The following VPS13B variants were observed in gnomAD, a reference collection of about 807,000 sequenced individuals.
The protein encoded by VPS13B is vacuolar protein sorting 13 homolog B, also known as intermembrane lipid transfer protein VPS13B.
VPS13B carries 285 observed loss-of-function variants against 426.4 expected under a neutral mutation model. The observed-to-expected ratio is 0.67, with a 90% CI of 0.61 to 0.74. The LOEUF is 0.74. VPS13B is among the 30% of genes least tolerant of loss of function. The probability of loss-of-function intolerance (pLI) is 0.00; values close to 1 mark genes in which losing one functional copy is unlikely to be tolerated. For synonymous variants in VPS13B, 1,676 were observed against 1,676.4 expected (o/e 1.00, Z 0.01); for missense variants, 4,537 against 4,782.6 (o/e 0.95, Z 1.51).
chr8:99,631,143 C>T (rs1330109002), intron 33 of VPS13B, among the ~76,000 whole-genome samples: 1 of 152,056 alleles, frequency 6.6e-6, no homozygotes, highest in Non-Finnish European at 1.5e-5. Flanking sequence ...CCTCTCTCTC[C>T]TTTTCCCCTT....
chr8:99,626,326 A>C (rs2133902381), intron 33 of VPS13B, among the ~76,000 whole-genome samples: 2 of 152,352 alleles, frequency 1.3e-5, no homozygotes, highest in Middle Eastern at 3.4e-3. Flanking sequence ...AAAGGGAAAG[A>C]AGCTAGTCAT....
chr8:99,775,679 C>T lies in VPS13B; in HGVS notation c.7248-1096C>T, dbSNP rs1040693753. The stretch of plus-strand genomic sequence containing the variant: ...TTGGGAGGCCAAGGCGGGTGGATCA[C>T]TTGGGGTCAGGAGTTCAAGACCAGC... On this transcript the variant is annotated intron_variant, in intron 40 of 61. Coordinates refer to ENST00000357162, the MANE Select transcript of VPS13B (RefSeq NM_152564.5). Among the ~76,000 whole-genome samples, 10 of 152,300 alleles carry T rather than the reference C, an allele frequency of 6.6e-5. No homozygotes were observed. In the South Asian group the frequency reaches 1.5e-3, roughly 22 times the overall value.
chr8:99,083,756 C>T (rs527387078), intron 3 of VPS13B, among the ~76,000 whole-genome samples: 2 of 130,228 alleles, frequency 1.5e-5, no homozygotes, highest in Non-Finnish European at 3.2e-5. Flanking sequence ...TGATGGATTA[C>T]GTTTATTGAT....
chr8:99,073,875 A>G lies in VPS13B; in HGVS notation c.292-22437A>G, dbSNP rs183782208. 4.4e-4 allele frequency among the ~76,000 whole-genome samples: 67 copies of G among 151,432 alleles called. No homozygotes were observed. In the East Asian group the frequency reaches 0.013, roughly 28 times the overall value. ...AGCCTCAACCTCCCTGACTCAAGTGATCCTCCGTTCTGAGGCTCCCAAGTA... is the reference window on the plus strand; with the variant it reads ...AGCCTCAACCTCCCTGACTCAAGTGGTCCTCCGTTCTGAGGCTCCCAAGTA... On this transcript the variant is annotated intron_variant, in intron 3 of 61. Transcript: ENST00000357162.
chr8:99,046,205 C>T (rs1843234908), intron 3 of VPS13B, among the ~76,000 whole-genome samples: 1 of 152,110 alleles, frequency 6.6e-6, no homozygotes, highest in African/African-American at 2.4e-5. Context: ...TTTGTGTCAT[C>T]TATGATTTCT....
chr8:99,384,302 T>C lies in VPS13B; in HGVS notation c.2919T>C (p.Ser973=). 6.2e-7 allele frequency: 1 copy of C among 1,613,448 alleles called. No individual in the cohort carries two copies. The highest frequency in any genetic ancestry group is 8.5e-7 in the Non-Finnish European group (1 of 1,179,494). The change falls in exon 20 of 62, where the codon AGT becomes AGC. Residue 973 remains serine, a synonymous_variant. Coordinates refer to ENST00000357162, the MANE Select transcript of VPS13B (RefSeq NM_152564.5). ...TCTATCAGCCTCAGAAACGAACAAG[T>C]AGACATATGCAACAGGTAAGAGATT... is the stretch of plus-strand genomic sequence containing the variant. ...WLIYQPQKRT[S]RHMQQQPVVA...
At position 99,817,925 on chromosome 8, in the gene VPS13B, G is replaced by C. The variant is rs1158465033; in HGVS notation, c.8361+122G>C. 1.5e-5 allele frequency: 22 copies of C among 1,420,068 alleles called. No individual in the cohort carries two copies. The East Asian group carries it at 3.7e-4, about 24-fold the overall frequency. The allele number at this position is 1,420,068 out of a possible 1,614,324, so 88.0% of individuals were successfully genotyped here. On this transcript the variant is annotated intron_variant, in intron 45 of 61. Transcript: ENST00000357162. ...GACATATAAAAAAGGGGAGTGAAAG[G>C]CTTTGAATAGTACTTCTCAAACTGT...
At chr8:99,802,053 G>C (rs1411043970) in intron 43 of VPS13B, among the ~76,000 whole-genome samples, 1 of 152,030 alleles carries the variant, frequency 6.6e-6, no homozygotes, top group African/African-American at 2.4e-5. Context: ...AGAAGGCTGA[G>C]GTGGGAGGAT....
chr8:99,875,122 T>C lies in VPS13B; in HGVS notation c.11746-296T>C, dbSNP rs10955222. 0.13 allele frequency: 53,695 copies of C among 419,322 alleles called. 3,730 individuals are homozygous for C. The highest frequency in any genetic ancestry group is 0.14 in the Middle Eastern group (201 of 1,416). 26.0% of individuals were successfully genotyped at this position (419,322 alleles called of 1,614,324 possible). On this transcript the variant is annotated intron_variant, in intron 61 of 61. Transcript: ENST00000357162. Reference sequence around the variant, plus strand: ...TAAAGAACAATGACAGATGTTTTAATGGTGAGTAGAATGTTATCAAATCGT... The same window carrying C: ...TAAAGAACAATGACAGATGTTTTAACGGTGAGTAGAATGTTATCAAATCGT...
At chr8:99,762,575 G>A (rs1198888695) in intron 39 of VPS13B, among the ~76,000 whole-genome samples, 1 of 152,110 alleles carries the variant, frequency 6.6e-6, no homozygotes, top group African/African-American at 2.4e-5. Flanking sequence ...CAGATTCATA[G>A]TTTATTATTT....
intron 33 of VPS13B, among the ~76,000 whole-genome samples, chr8:99,636,169 A>G (rs1423519902): frequency 2.0e-5 from 3 of 152,010 alleles, no homozygotes; most frequent in Non-Finnish European, 4.4e-5. Flanking sequence ...TTTAAGTACC[A>G]TCTGGTTGTG....
intron 23 of VPS13B, among the ~76,000 whole-genome samples, chr8:99,451,944 CT>C (rs979970518): frequency 1.1e-4 from 16 of 152,282 alleles, no homozygotes; most frequent in African/African-American, 3.8e-4. Context: ...CCTCTTTAAT[CT>C]CTTGACCAAA....
chr8:99,861,682 G>A (rs1816840918), intron 57 of VPS13B, 94 bp from the exon 58 acceptor site: 1 of 1,495,514 alleles, frequency 6.7e-7, no homozygotes, highest in African/African-American at 1.4e-5. Context: ...TGTCCAGGAG[G>A]GGCCACAGGT....
chr8:99,695,556 G>A (rs1191184875), intron 35 of VPS13B, among the ~76,000 whole-genome samples: 2 of 103,424 alleles, frequency 1.9e-5, no homozygotes, highest in Non-Finnish European at 3.9e-5. Context: ...GGTGGGGTGG[G>A]GGGAGGGGGG....
chr8:99,624,279 A>G (rs1218523762), intron 33 of VPS13B, among the ~76,000 whole-genome samples: 2 of 152,042 alleles, frequency 1.3e-5, no homozygotes, highest in Non-Finnish European at 2.9e-5. Flanking sequence ...CATTCCTTGG[A>G]ATGGAAATGG....
At chr8:99,696,784 A>G in intron 35 of VPS13B, 1 of 1,408,648 alleles carries the variant, frequency 7.1e-7, no homozygotes, top group Non-Finnish European at 1.0e-6. Flanking sequence ...GTTTTTCCAA[A>G]TTATTTGAGA....
At chr8:99,162,509 C>G (rs1298172891) in intron 15 of VPS13B, among the ~76,000 whole-genome samples, 1 of 152,044 alleles carries the variant, frequency 6.6e-6, no homozygotes, top group East Asian at 1.9e-4. Context: ...GGTGGCGCGT[C>G]TGGAGTCTGT....
intron 17 of VPS13B, among the ~76,000 whole-genome samples, chr8:99,271,746 C>T (rs1272687181): frequency 2.6e-5 from 4 of 152,112 alleles, no homozygotes; most frequent in Admixed American, 1.3e-4. Context: ...GAATTGCCAA[C>T]GAATGAGGAA....
intron 33 of VPS13B, among the ~76,000 whole-genome samples, chr8:99,624,472 A>G (rs1347552637): frequency 6.6e-6 from 1 of 152,162 alleles, no homozygotes; most frequent in Non-Finnish European, 1.5e-5. Flanking sequence ...TTTTCCTGGT[A>G]GGTGTAGCCA....
Sources: gnomAD v4.1 joint callset for allele counts (sites outside exome capture counted in the v4.1 genomes callset) on GRCh38, gnomAD v4.1.1 for gene constraint, MANE v1.5 for transcripts, NCBI Gene and HGNC (gene_info 2026-07-23, HGNC 2026-07-21) for gene names.